Variants in MINPP1 observed in about 807,000 individuals in gnomAD.
MINPP1 encodes the protein multiple inositol polyphosphate phosphatase 1.
Under a neutral mutation model 46.1 loss-of-function variants are expected in MINPP1, and 28 were observed. That is an observed-to-expected ratio of 0.61 (90% CI 0.45 to 0.83). The LOEUF (loss-of-function observed/expected upper bound fraction) is 0.83. Among genes scored for constraint, MINPP1 ranks in the 40% least tolerant of loss-of-function variants. The pLI is 0.00. For missense variants in MINPP1, 603 were observed against 610.0 expected, an observed-to-expected ratio of 0.99 and a Z score of 0.12; for synonymous variants, 268 against 249.1, an observed-to-expected ratio of 1.08 and a Z score of -0.72.
At chr10:87,518,350 T>G (rs1378758622) in intron 3 of MINPP1, among the ~76,000 whole-genome samples, 1 of 152,082 alleles carries the variant, frequency 6.6e-6, no homozygotes, top group African/African-American at 2.4e-5. Context: ...AATAGTAGAT[T>G]TTATTATTTG....
chr10:87,528,185 G>A (rs940335490), intron 4 of MINPP1, among the ~76,000 whole-genome samples: 2 of 151,970 alleles, frequency 1.3e-5, no homozygotes, highest in Admixed American at 6.5e-5. Flanking sequence ...TTTTTTTGAA[G>A]GGTTTTTTGT....
intron 4 of MINPP1, among the ~76,000 whole-genome samples, chr10:87,543,561 G>A (rs945214246): frequency 8.5e-5 from 13 of 152,120 alleles, no homozygotes. Context: ...GGCAGAGGCG[G>A]GAGGACTGTT....
chr10:87,516,937 C>T (rs978599863), intron 3 of MINPP1, among the ~76,000 whole-genome samples: 6 of 151,936 alleles, frequency 3.9e-5, no homozygotes, highest in East Asian at 1.9e-4. Flanking sequence ...AATTACTCAG[C>T]GTGTGTTTTT....
At chr10:87,507,494 T>TG (rs1435175440) in intron 1 of MINPP1, among the ~76,000 whole-genome samples, 1 of 66,886 alleles carries the variant, frequency 1.5e-5, no homozygotes, top group Non-Finnish European at 2.8e-5. Flanking sequence ...ACATACATAC[T>TG]GATTTTTTTT....
At chr10:87,532,178 T>C (rs1472457726) in intron 4 of MINPP1, among the ~76,000 whole-genome samples, 1 of 152,216 alleles carries the variant, frequency 6.6e-6, no homozygotes, top group Non-Finnish European at 1.5e-5. Flanking sequence ...TTTCAAACTT[T>C]ATGGCGTCAT....
chr10:87,529,925 ACTTCT>A (rs1028059185), intron 4 of MINPP1, among the ~76,000 whole-genome samples: 28 of 151,636 alleles, frequency 1.8e-4, no homozygotes, highest in African/African-American at 6.8e-4. Flanking sequence ...TTTTCTCTAA[ACTTCT>A]CTTCTCGCTT....
Position 87,516,230 on chromosome 10 carries a change from T to C in MINPP1, c.933+3009T>C, listed in dbSNP as rs1851412308. ...ACCTTCAGCAAGCATTTTTTGAGTT[T>C]CCGTTCTGTGACAAGCACTTGCTTG... On this transcript the variant is annotated intron_variant, in intron 3 of 4. Coordinates refer to ENST00000371996, the MANE Select transcript of MINPP1 (RefSeq NM_004897.5). Among the ~76,000 whole-genome samples, 2 of 104,550 alleles carry C rather than the reference T, an allele frequency of 1.9e-5. 1 individual carries two copies. Among genetic ancestry groups the C allele is most frequent in the Non-Finnish European group, 5.0e-5 (2 of 39,992 alleles). The allele number at this position is 104,550 out of a possible 152,430, so 68.6% of individuals were successfully genotyped here.
intron 3 of MINPP1, among the ~76,000 whole-genome samples, chr10:87,515,822 A>ATTT (rs71019482): frequency 1.4e-3 from 117 of 84,108 alleles, no homozygotes; most frequent in Non-Finnish European, 1.7e-3. Flanking sequence ...TTTGTTAAGA[A>ATTT]TTTTTTTTTT....
At chr10:87,514,602 T>C (rs1044077471) in intron 3 of MINPP1, among the ~76,000 whole-genome samples, 13 of 152,316 alleles carry the variant, frequency 8.5e-5, no homozygotes, top group Middle Eastern at 3.4e-3. Flanking sequence ...CTGATATTTT[T>C]TACTCAGGAT....
Position 87,504,906 on chromosome 10 carries a change from C to G in MINPP1, c.-10C>G, listed in dbSNP as rs573683685. 2.0e-5 allele frequency: 32 copies of G among 1,609,256 alleles called. No homozygotes were observed. The South Asian group carries it at 2.2e-4, about 11-fold the overall frequency. ...AGCTGGCTCGGCGCACTCCACTGAC[C>G]GTCCCGACGATGCTACGCGCGCCCG... On this transcript the variant is annotated 5_prime_UTR_variant, in exon 1 of 5. Coordinates refer to ENST00000371996, the MANE Select transcript of MINPP1 (RefSeq NM_004897.5).
chr10:87,517,288 A>T (rs1432688153), intron 3 of MINPP1, among the ~76,000 whole-genome samples: 1 of 152,234 alleles, frequency 6.6e-6, no homozygotes, highest in Non-Finnish European at 1.5e-5. Flanking sequence ...ATTTCAGGAA[A>T]ATATACCTCT....
intron 3 of MINPP1, 64 bp from the exon 4 acceptor site, chr10:87,520,972 T>C: frequency 1.4e-6 from 1 of 715,144 alleles, no homozygotes. Flanking sequence ...AGAATCATTA[T>C]TAAATCAGGG....
At chr10:87,547,070 C>G (rs1215878485) in intron 4 of MINPP1, among the ~76,000 whole-genome samples, 3 of 152,068 alleles carry the variant, frequency 2.0e-5, no homozygotes, top group Non-Finnish European at 4.4e-5. Context: ...TGTTGAAATA[C>G]TATGTTTCTT....
chr10:87,535,119 AAAT>A (rs1212787264), intron 4 of MINPP1, among the ~76,000 whole-genome samples: 1 of 152,248 alleles, frequency 6.6e-6, no homozygotes, highest in Non-Finnish European at 1.5e-5. Context: ...TGGTAGTTGG[AAAT>A]GGCTTCTGTG....
intron 2 of MINPP1, among the ~76,000 whole-genome samples, chr10:87,511,856 T>C (rs549293062): frequency 1.2e-3 from 187 of 152,334 alleles, no homozygotes; most frequent in African/African-American, 4.0e-3. Context: ...AGCCACTATA[T>C]TGTATCAGGT....
In MINPP1 at chr10:87,508,495, C is replaced by T; in HGVS notation, c.797C>T (p.Ala266Val). The change falls in exon 2 of 5, where the codon GCA (alanine) becomes GTA (valine). Residue 266 changes from alanine to valine, a missense_variant. Coordinates refer to ENST00000371996, the MANE Select transcript of MINPP1 (RefSeq NM_004897.5). ...PEMQNILKKV[A>V]ATLQVPVNDL... The stretch of plus-strand genomic sequence containing the variant: ...ATGCAGAACATTTTAAAAAAAGTTG[C>T]AGCTACTTTGCAAGTGCCAGTAAAT... The T allele has an allele frequency of 6.8e-6, 11 of 1,613,756 alleles. No homozygotes were observed. Among genetic ancestry groups the T allele is most frequent in the Non-Finnish European group, 9.3e-6 (11 of 1,179,802 alleles).
rs147032975 is a variant in MINPP1 at position 87,521,080 on chromosome 10, A to G, written c.978A>G (p.Gly326=). The change falls in exon 4 of 5, where the codon GGA becomes GGG. Residue 326 remains glycine (G), a synonymous_variant. Coordinates refer to ENST00000371996, the MANE Select transcript of MINPP1 (RefSeq NM_004897.5). ...ATCTGAAACAATATTGGAAAAGAGG[A>G]TATGGGTATACTATTAACAGTCGAT... ...LNDLKQYWKR[G]YGYTINSRSS... 11 of 1,371,134 alleles carry G rather than the reference A, an allele frequency of 8.0e-6. No homozygotes were observed. Among genetic ancestry groups the G allele is most frequent in the Admixed American group, 1.7e-5 (1 of 59,620 alleles). 84.9% of individuals were successfully genotyped at this position (1,371,134 alleles called of 1,614,324 possible).
chr10:87,550,421 C>T (rs1851946020), intron 4 of MINPP1, among the ~76,000 whole-genome samples: 1 of 152,050 alleles, frequency 6.6e-6, no homozygotes, highest in Admixed American at 6.6e-5. Flanking sequence ...AGTTTTACAC[C>T]TTTTAGAGAA....
chr10:87,531,054 G>C (rs1851652807), intron 4 of MINPP1, among the ~76,000 whole-genome samples: 2 of 152,196 alleles, frequency 1.3e-5, no homozygotes, highest in South Asian at 2.1e-4. Flanking sequence ...CATTGGAAAA[G>C]TGCAGTATTA....
Sources: allele counts gnomAD v4.1 joint callset (sites outside exome capture counted in the v4.1 genomes callset), GRCh38; gene constraint gnomAD v4.1.1; transcripts MANE v1.5; gene names NCBI Gene and HGNC (gene_info 2026-07-23, HGNC 2026-07-21).